The following PIEZO1 variants were observed in gnomAD, a reference collection of about 807,000 sequenced individuals.
The protein encoded by PIEZO1 is piezo-type mechanosensitive ion channel component 1.
In PIEZO1, 296 loss-of-function variants were observed where a neutral mutation model predicts 297.2. The ratio of observed to expected loss-of-function variants is 1.00; its 90% confidence interval spans 0.91 to 1.10. The LOEUF is 1.10. Among genes scored for constraint, PIEZO1 ranks in the 50% least tolerant of loss-of-function variants. The probability of loss-of-function intolerance (pLI) is 0.00; values close to 1 mark genes in which losing one functional copy is unlikely to be tolerated. For missense variants in PIEZO1, 5,018 were observed against 3,455.5 expected, an observed-to-expected ratio of 1.45 and a Z score of -11.34; for synonymous variants, 2,427 against 1,507.5, an observed-to-expected ratio of 1.61 and a Z score of -14.13.
In PIEZO1 at chr16:88,735,177, C is replaced by G; in HGVS notation, c.1627G>C (p.Glu543Gln). ...ACCTCCGTCAGCGCAGCTGGAGACT[C>G]TGCCCACTTCAGCAGCTTCTCTTTC... ...FVKEKLLKWA[E>Q]SPAALTEVTV... The change falls in exon 13 of 51, where the codon GAG becomes CAG. Residue 543 changes from glutamate (E) to glutamine (Q), a missense_variant. By Grantham distance (29) the Glu-to-Gln change is conservative (BLOSUM62 2). Transcript: ENST00000301015. The G allele has an allele frequency of 2.6e-6, 4 of 1,550,394 alleles. No individual in the cohort carries two copies. The highest frequency in any genetic ancestry group is 3.5e-6 in the Non-Finnish European group (4 of 1,146,922).
In PIEZO1 at chr16:88,726,900, C is replaced by G. The variant is rs1409761888; in HGVS notation, c.3514G>C (p.Val1172Leu). Reference protein sequence around the residue: ...VFRYLFWLVLVVVFVTGATRI... With the variant: ...VFRYLFWLVLLVVFVTGATRI... ...GTGGCCCCCGTGACAAACACCACCA[C>G]CAGCACCAGCCAGAACAGGTATCGG... The change falls in exon 25 of 51, where the codon GTG (valine) becomes CTG (leucine). Residue 1172 changes from valine to leucine, a missense_variant. By Grantham distance (32) the Val-to-Leu change is conservative. Coordinates refer to ENST00000301015, the MANE Select transcript of PIEZO1 (RefSeq NM_001142864.4). 6.4e-7 allele frequency: 1 copy of G among 1,550,414 alleles called. No homozygotes were observed. Among genetic ancestry groups the G allele is most frequent in the Non-Finnish European group, 8.7e-7 (1 of 1,146,926 alleles).
rs889575430 is a variant in PIEZO1, at chr16:88,733,812, C to T, written c.2330-67G>A. 18 of 1,471,608 alleles carry T rather than the reference C, an allele frequency of 1.2e-5. No homozygotes were observed. The African/African-American group carries it at 2.1e-4, about 17-fold the overall frequency. 91.2% of individuals were successfully genotyped at this position (1,471,608 alleles called of 1,614,324 possible). A position where few individuals can be genotyped will look rare whatever the true frequency, so the allele number is the denominator to read the frequency against. ...TCCCGGGTCCCCTGTGAGGAAGAGG[C>T]TCTGGAGCCCAGAGGGGACTCTGCC... On this transcript the variant is annotated intron_variant, in intron 17 of 50. Transcript: ENST00000301015.
In PIEZO1 at chr16:88,716,917, C is replaced by A; in HGVS notation, c.6661-19G>T. ...ACAGCGGCTGGGGCAGGCACGGGGA[C>A]ACGGGGCCACGAAGATGAGCGTGGA... On this transcript the variant is annotated intron_variant, in intron 45 of 50. Coordinates refer to ENST00000301015, the MANE Select transcript of PIEZO1 (RefSeq NM_001142864.4). The A allele has an allele frequency of 6.5e-7, 1 of 1,548,970 alleles. No homozygotes were observed. The highest frequency in any genetic ancestry group is 8.7e-7 in the Non-Finnish European group (1 of 1,146,490).
intron 2 of PIEZO1, among the ~76,000 whole-genome samples, chr16:88,747,906 G>A: frequency 6.6e-6 from 1 of 152,188 alleles, no homozygotes; most frequent in Non-Finnish European, 1.5e-5. Flanking sequence ...CCAAGCCCAG[G>A]AAGGTAGGCA....
rs1392749836 is a variant in PIEZO1, at chr16:88,726,363, G to A, written c.3889C>T (p.Leu1297=). 4 of 1,550,432 alleles carry A rather than the reference G, an allele frequency of 2.6e-6. No individual in the cohort carries two copies. Among genetic ancestry groups the A allele is most frequent in the Non-Finnish European group, 3.5e-6 (4 of 1,146,920 alleles). Residue 1297 remains leucine, a synonymous_variant, in exon 27 of 51, where the codon CTG becomes TTG. Transcript: ENST00000301015. ...TGGCTAAGGAAGACGCGGCGCTGCAGCAGCAGGAAGAAGAAGCAGACGCTG... is the reference window on the plus strand; with the variant it reads ...TGGCTAAGGAAGACGCGGCGCTGCAACAGCAGGAAGAAGAAGCAGACGCTG... The part of the protein sequence containing the change: ...WDSVCFFFLL[L]QRRVFLSHYY...
Position 88,732,605 on chromosome 16 carries a change from AC to A in PIEZO1, c.2790+1del. On this transcript the variant is annotated splice_donor_variant, in intron 20 of 50. Coordinates refer to ENST00000301015, the MANE Select transcript of PIEZO1 (RefSeq NM_001142864.4). LOFTEE classifies it high-confidence loss of function. ...CAGCCGCCCACCAGCCCTTCAACTC[AC>A]CTGGATGTAGCCCAGGTTGGGGAAC... 6.5e-7 allele frequency: 1 copy of A among 1,548,550 alleles called. No individual in the cohort carries two copies. The highest frequency in any genetic ancestry group is 1.2e-5 in the South Asian group (1 of 83,920).
At chr16:88,757,830 G>C (rs1906748905) in intron 1 of PIEZO1, among the ~76,000 whole-genome samples, 1 of 152,176 alleles carries the variant, frequency 6.6e-6, no homozygotes, top group Non-Finnish European at 1.5e-5. Flanking sequence ...CCCAGCAAGA[G>C]ACTCAAGTCA....
intron 1 of PIEZO1, among the ~76,000 whole-genome samples, chr16:88,757,274 A>G (rs1027070981): frequency 2.3e-5 from 3 of 132,268 alleles, no homozygotes; most frequent in African/African-American, 8.4e-5. Context: ...CTGGCAGCGC[A>G]GCAGCACCTG....
chr16:88,736,715 C>T lies in PIEZO1; in HGVS notation c.1220G>A (p.Arg407Lys), dbSNP rs905874790. Residue 407 changes from arginine (R) to lysine (K), a missense_variant, in exon 11 of 51, where the codon AGG becomes AAG. Transcript: ENST00000301015. ...CAGGCTGTGGAGCGGAGACGCCTCC[C>T]TGGGCTCAGCCCGCTTGGGCCGCAC... ...RPVRPKRAEP[R>K]EASPLHSLGH... 1 of 1,532,450 alleles carries T rather than the reference C, an allele frequency of 6.5e-7. No homozygotes were observed. Among genetic ancestry groups the T allele is most frequent in the Admixed American group, 2.0e-5 (1 of 50,836 alleles). The allele number at this position is 1,532,450 out of a possible 1,614,324, so 94.9% of individuals were successfully genotyped here. A position where few individuals can be genotyped will look rare whatever the true frequency, so the allele number is the denominator to read the frequency against.
At chr16:88,759,210 G>A in intron 1 of PIEZO1, among the ~76,000 whole-genome samples, 1 of 152,382 alleles carries the variant, frequency 6.6e-6, no homozygotes, top group South Asian at 2.1e-4. Context: ...TCAGTCGTCT[G>A]AGTCCCCAGA....
In PIEZO1 at chr16:88,721,155, G is replaced by A. The variant is rs1244661694; in HGVS notation, c.5668+11C>T. 2.7e-6 allele frequency: 4 copies of A among 1,477,358 alleles called. No homozygotes were observed. The highest frequency in any genetic ancestry group is 3.6e-6 in the Non-Finnish European group (4 of 1,114,664). The allele number at this position is 1,477,358 out of a possible 1,614,324, so 91.5% of individuals were successfully genotyped here. ...GGGTAGGCAGGAGGTTGTGAGGCAG[G>A]GCGCTTATACCGATGGCTGCCGCTC... On this transcript the variant is annotated intron_variant, in intron 39 of 50. Transcript: ENST00000301015.
In PIEZO1 at chr16:88,717,059, G is replaced by T. The variant is rs1022191461; in HGVS notation, c.6624C>A (p.Ile2208=). Residue 2208 remains isoleucine (I), a synonymous_variant, in exon 45 of 51, where the codon ATC becomes ATA. Coordinates refer to ENST00000301015, the MANE Select transcript of PIEZO1 (RefSeq NM_001142864.4). ...CCAGCTTCAGGGTGACGGTGACATC[G>T]ATGGGCTGGTTGACAACCCCAACCA... ...RSVVGVVNQP[I]DVTVTLKLGG... is the part of the protein sequence containing the mutation. The T allele has an allele frequency of 1.3e-6, 2 of 1,550,858 alleles. No homozygotes were observed. The highest frequency in any genetic ancestry group is 1.4e-5 in the African/African-American group (1 of 73,176).
In PIEZO1 at chr16:88,726,313, G is replaced by A. The variant is rs971177552; in HGVS notation, c.3939C>T (p.Asp1313=). The change falls in exon 27 of 51, where the codon GAC becomes GAT. Residue 1313 remains aspartate, a synonymous_variant. Coordinates refer to ENST00000301015, the MANE Select transcript of PIEZO1 (RefSeq NM_001142864.4). ...LSHYYLHVRA[D]LQATALLASR... is the part of the protein sequence containing the mutation. The stretch of plus-strand genomic sequence containing the variant: ...AGGCTAGCAGGGCGGTGGCCTGGAG[G>A]TCGGCCCTGACGTGCAGGTAGTAAT... 15 of 1,549,928 alleles carry A rather than the reference G, an allele frequency of 9.7e-6. No homozygotes were observed. Among genetic ancestry groups the A allele is most frequent in the African/African-American group, 1.4e-5 (1 of 73,056 alleles).
At chr16:88,719,436 G>T in intron 44 of PIEZO1, 138 bp downstream of exon 44, 2 of 740,922 alleles carry the variant, frequency 2.7e-6, no homozygotes, top group Non-Finnish European at 4.4e-6. Context: ...TAGTGGGTGG[G>T]CTCGCCTCAT....
At position 88,716,786 on chromosome 16, in the gene PIEZO1, A is replaced by C; in HGVS notation, c.6753+20T>G. On this transcript the variant is annotated intron_variant, in intron 46 of 50. Transcript: ENST00000301015. ...CAGCCGCCTCCCCACACCAGCTTTC[A>C]CAGGGCAGAGGCCACTTACCGGCTG... is the stretch of plus-strand genomic sequence containing the variant. The C allele has an allele frequency of 1.3e-6, 2 of 1,549,606 alleles. No homozygotes were observed. Among genetic ancestry groups the C allele is most frequent in the Non-Finnish European group, 8.7e-7 (1 of 1,146,916 alleles).
In PIEZO1 at chr16:88,735,178, TG is replaced by T; in HGVS notation, c.1625del (p.Ala542GlufsTer7). On this transcript the variant is annotated frameshift_variant, in exon 13 of 51. Transcript: ENST00000301015. LOFTEE classifies it high-confidence loss of function. ...QFVKEKLLKW[A>X]ESPAALTEVT... ...CCTCCGTCAGCGCAGCTGGAGACTC[TG>T]CCCACTTCAGCAGCTTCTCTTTCAC... The T allele has an allele frequency of 6.5e-7, 1 of 1,550,374 alleles. No homozygotes were observed. The highest frequency in any genetic ancestry group is 8.7e-7 in the Non-Finnish European group (1 of 1,146,908).
In PIEZO1 at chr16:88,716,350, C is replaced by G. The variant is rs887784032; in HGVS notation, c.7049+11G>C. ...CAGCCCTCCTGCCCACCACCCGGGCCCTTCACTCACACAGACTGGTCCGAG... is the reference window on the plus strand; with the variant it reads ...CAGCCCTCCTGCCCACCACCCGGGCGCTTCACTCACACAGACTGGTCCGAG... On this transcript the variant is annotated intron_variant, in intron 48 of 50. Transcript: ENST00000301015. 1.3e-6 allele frequency: 2 copies of G among 1,523,710 alleles called. No homozygotes were observed. Among genetic ancestry groups the G allele is most frequent in the Non-Finnish European group, 1.8e-6 (2 of 1,130,596 alleles). 94.4% of individuals were successfully genotyped at this position (1,523,710 alleles called of 1,614,324 possible).
At chr16:88,773,091 C>T (rs1218699892) in intron 1 of PIEZO1, among the ~76,000 whole-genome samples, 2 of 152,214 alleles carry the variant, frequency 1.3e-5, no homozygotes, top group African/African-American at 2.4e-5. Context: ...GCTCTGGAAG[C>T]AGCAATTACT....
intron 5 of PIEZO1, chr16:88,741,040 G>T (rs1025315290): frequency 6.5e-6 from 1 of 154,642 alleles, no homozygotes; most frequent in African/African-American, 2.4e-5. Flanking sequence ...CAGGCCCGTC[G>T]CTCCTGGGGT....
Sources: allele counts gnomAD v4.1 joint callset (sites outside exome capture counted in the v4.1 genomes callset), GRCh38; gene constraint gnomAD v4.1.1; transcripts MANE v1.5; gene names NCBI Gene and HGNC (gene_info 2026-07-23, HGNC 2026-07-21).